Variants in NFIX observed in about 807,000 individuals in gnomAD.
The protein encoded by NFIX is nuclear factor I X, also known as nuclear factor 1 X-type.
A neutral mutation model predicts 53.3 loss-of-function variants in NFIX; 2 were observed. The ratio of observed to expected loss-of-function variants is 0.04; its 90% CI spans 0.02 to 0.12. NFIX has a LOEUF of 0.12. Among genes scored for constraint, NFIX ranks in the 10% least tolerant of loss-of-function variants. The probability of loss-of-function intolerance (pLI) is 1.00; values close to 1 mark genes in which losing one functional copy is unlikely to be tolerated. For missense variants in NFIX, 310 were observed against 674.5 expected, an observed-to-expected ratio of 0.46 and a Z score of 5.99; for synonymous variants, 244 against 289.0, an observed-to-expected ratio of 0.84 and a Z score of 1.58.
At chr19:13,091,417 A>G (rs1319631475) in intron 10 of NFIX, among the ~76,000 whole-genome samples, 1 of 149,916 alleles carries the variant, frequency 6.7e-6, no homozygotes, top group African/African-American at 2.4e-5. Flanking sequence ...AAAAAAAAAA[A>G]AAAGCCAAAA....
At position 13,051,759 on chromosome 19, in the gene NFIX, A is replaced by G. The variant is rs538530007; in HGVS notation, c.560-21288A>G. On this transcript the variant is annotated intron_variant, in intron 2 of 10. Transcript: ENST00000592199. This position sits in a 1 kb window ranked among gnomAD's most constrained non-coding sequence, Gnocchi z 5.1. ...GGTCTTGACCTCAAGAGCCTTCCCT[A>G]TTGACCCCTGACCAGCGATACTAAT... is the stretch of plus-strand genomic sequence containing the variant. Among the ~76,000 whole-genome samples the G allele has an allele frequency of 1.3e-5, 2 of 152,064 alleles. No homozygotes were observed. Among genetic ancestry groups the G allele is most frequent in the African/African-American group, 4.8e-5 (2 of 41,464 alleles).
rs777062134 is a variant in NFIX, at chr19:13,025,039, A to G, written c.46A>G (p.Ile16Val). Residue 16 changes from isoleucine (I) to valine (V), a missense_variant, in exon 2 of 11, where the codon ATC becomes GTC. Physicochemically the swap from Ile to Val is conservative, Grantham distance 29. This residue lies in a region of NFIX where 64 missense variants were observed against 144.5 expected (regional missense o/e 0.44). Coordinates refer to ENST00000592199, the MANE Select transcript of NFIX (RefSeq NM_001365902.3). The surrounding 1 kb of genome is among the most constrained non-coding windows in gnomAD (Gnocchi z 7.5). ...CCTGCAGGATGAGTTCCACCCGTTC[A>G]TCGAGGCACTGCTGCCTCACGTCCG... is the stretch of plus-strand genomic sequence containing the variant. Reference protein sequence around the residue: ...CLTQDEFHPFIEALLPHVRAF... With the variant: ...CLTQDEFHPFVEALLPHVRAF... 1.2e-6 allele frequency: 2 copies of G among 1,610,714 alleles called. No homozygotes were observed. Among genetic ancestry groups the G allele is most frequent in the Admixed American group, 1.7e-5 (1 of 59,354 alleles).
At position 13,073,743 on chromosome 19, in the gene NFIX, C is replaced by T. The variant is rs2016906327; in HGVS notation, c.698-163C>T. Among the ~76,000 whole-genome samples, 2 of 152,194 alleles carry T rather than the reference C, an allele frequency of 1.3e-5. No homozygotes were observed. The highest frequency in any genetic ancestry group is 4.8e-5 in the African/African-American group (2 of 41,438). On this transcript the variant is annotated intron_variant, in intron 4 of 10. Transcript: ENST00000592199. This position sits in a 1 kb window ranked among gnomAD's most constrained non-coding sequence, Gnocchi z 4.5. ...CAAAGGCTCTTCTGTGACCCACTAG[C>T]TGGGAGGAGGTTCCTCAGCAGCCCA...
At position 13,068,766 on chromosome 19, in the gene NFIX, G is replaced by A. The variant is rs1312464497; in HGVS notation, c.560-4281G>A. On this transcript the variant is annotated intron_variant, in intron 2 of 10. Coordinates refer to ENST00000592199, the MANE Select transcript of NFIX (RefSeq NM_001365902.3). This position sits in a 1 kb window ranked among gnomAD's most constrained non-coding sequence, Gnocchi z 4.2. ...CCTCCCTTCCAGAAGCCTGCAAAGT[G>A]GCCAGAACCATGGGCAGGGGAGGCC... Among the ~76,000 whole-genome samples the A allele has an allele frequency of 1.3e-5, 2 of 152,230 alleles. No homozygotes were observed. Among genetic ancestry groups the A allele is most frequent in the Admixed American group, 6.5e-5 (1 of 15,278 alleles).
At chr19:13,080,600 A>T (rs1340299096) in intron 7 of NFIX, among the ~76,000 whole-genome samples, 1 of 151,636 alleles carries the variant, frequency 6.6e-6, no homozygotes, top group Non-Finnish European at 1.5e-5. Context: ...GTACTTTGGG[A>T]GGCCAAGGCA....
intron 1 of NFIX, among the ~76,000 whole-genome samples, chr19:13,020,735 T>A (rs2012921372): frequency 6.6e-6 from 1 of 152,124 alleles, no homozygotes; most frequent in African/African-American, 2.4e-5. Flanking sequence ...TTCTGCCGCC[T>A]CTCCTCTGAT....
chr19:12,999,333 C>T (rs1030273808), intron 1 of NFIX, among the ~76,000 whole-genome samples: 11 of 151,966 alleles, frequency 7.2e-5, no homozygotes, highest in South Asian at 6.3e-4. Context: ...CCACCACGCC[C>T]GGGTAATTTC....
rs370783768 is a variant in NFIX at position 12,999,177 on chromosome 19, AT to A, written c.27+3327del. ...GTACACAAATAACTTTTCTTTTTCT[AT>A]TTTTTTTTTTTTTGAGACGGAGCCT... On this transcript the variant is annotated intron_variant, in intron 1 of 10. Transcript: ENST00000592199. 6.0e-3 allele frequency among the ~76,000 whole-genome samples: 844 copies of A among 140,306 alleles called. 23 individuals carry two copies. In the East Asian group the frequency reaches 0.084, roughly 14 times the overall value. 92.0% of individuals were successfully genotyped at this position (140,306 alleles called of 152,430 possible).
chr19:13,009,030 C>T lies in NFIX; in HGVS notation c.27+13166C>T, dbSNP rs2012177581. ...TCCCAGTCCCAGTCCCACACACTGC[C>T]TCATCCCCACTCACAGTCAACGCCC... On this transcript the variant is annotated intron_variant, in intron 1 of 10. Coordinates refer to ENST00000592199, the MANE Select transcript of NFIX (RefSeq NM_001365902.3). This position sits in a 1 kb window ranked among gnomAD's most constrained non-coding sequence, Gnocchi z 4.7. Among the ~76,000 whole-genome samples, 1 of 152,200 alleles carries T rather than the reference C, an allele frequency of 6.6e-6. No individual in the cohort carries two copies. The highest frequency in any genetic ancestry group is 2.1e-4 in the South Asian group (1 of 4,836).
At chr19:13,059,388 A>G (rs2015915582) in intron 2 of NFIX, among the ~76,000 whole-genome samples, 1 of 152,150 alleles carries the variant, frequency 6.6e-6, no homozygotes, top group Non-Finnish European at 1.5e-5. Context: ...GGGGACACCC[A>G]GTGTATTCCT....
intron 2 of NFIX, among the ~76,000 whole-genome samples, chr19:13,057,479 G>A (rs997767966): frequency 1.3e-5 from 2 of 152,156 alleles, no homozygotes; most frequent in African/African-American, 2.4e-5. Flanking sequence ...CTGCAGACTC[G>A]GCTTTCGCTC....
intron 2 of NFIX, among the ~76,000 whole-genome samples, chr19:13,065,607 C>A (rs1370013370): frequency 6.6e-6 from 1 of 152,078 alleles, no homozygotes; most frequent in South Asian, 2.1e-4. Context: ...GGCAGGTGGG[C>A]CTTTGTCCAC....
At chr19:13,026,737 T>C (rs1568271006) in intron 2 of NFIX, among the ~76,000 whole-genome samples, 1 of 150,706 alleles carries the variant, frequency 6.6e-6, no homozygotes, top group Non-Finnish European at 1.5e-5. Flanking sequence ...TCTCTCTCTC[T>C]CTCTCTCTGT....
chr19:13,077,571 G>A (rs1241087430), intron 6 of NFIX, among the ~76,000 whole-genome samples: 2 of 152,076 alleles, frequency 1.3e-5, no homozygotes, highest in East Asian at 1.9e-4. Flanking sequence ...CTGGGAGTTC[G>A]CCCTTCCCCC....
Position 13,012,524 on chromosome 19 carries a change from A to G in NFIX, c.28-12497A>G, listed in dbSNP as rs2012415121. On this transcript the variant is annotated intron_variant, in intron 1 of 10. Coordinates refer to ENST00000592199, the MANE Select transcript of NFIX (RefSeq NM_001365902.3). The surrounding 1 kb of genome is among the most constrained non-coding windows in gnomAD (Gnocchi z 5.0). ...TCCCAGTTCACCATTTGCTGCGTCA[A>G]AGGCCGCCGCCAAAAGGGGCTCCGA... Among the ~76,000 whole-genome samples the G allele has an allele frequency of 6.6e-6, 1 of 152,094 alleles. No individual in the cohort carries two copies. The highest frequency in any genetic ancestry group is 2.1e-4 in the South Asian group (1 of 4,826).
At chr19:13,029,741 A>G (rs895235373) in intron 2 of NFIX, among the ~76,000 whole-genome samples, 3 of 152,060 alleles carry the variant, frequency 2.0e-5, no homozygotes, top group Non-Finnish European at 4.4e-5. Context: ...GCACCTGAAG[A>G]TTTGTCTAAG....
intron 2 of NFIX, among the ~76,000 whole-genome samples, chr19:13,032,123 C>T (rs2013861277): frequency 6.6e-6 from 1 of 152,150 alleles, no homozygotes; most frequent in African/African-American, 2.4e-5. Context: ...TTTCATTTGC[C>T]AGTGGAGGGG....
At chr19:13,048,788 C>T (rs546606349) in intron 2 of NFIX, among the ~76,000 whole-genome samples, 1 of 152,132 alleles carries the variant, frequency 6.6e-6, no homozygotes, top group South Asian at 2.1e-4. Context: ...TTAAAGTGTA[C>T]AGGGCCAGGC....
chr19:13,085,563 G>T (rs988166909), intron 8 of NFIX, among the ~76,000 whole-genome samples: 1 of 152,224 alleles, frequency 6.6e-6, no homozygotes, highest in South Asian at 2.1e-4. Flanking sequence ...GCTCTGACCT[G>T]CACTGTTACC....
Sources: gnomAD v4.1 joint callset for allele counts (sites outside exome capture counted in the v4.1 genomes callset) on GRCh38, gnomAD v4.1.1 for gene constraint, gnomAD v4.1.1 regional missense constraint, Gnocchi (gnomAD v3.1) non-coding constraint, MANE v1.5 for transcripts, NCBI Gene and HGNC (gene_info 2026-07-23, HGNC 2026-07-21) for gene names.